The following RBPJ variants were observed in gnomAD, a reference collection of about 807,000 sequenced individuals.
The protein encoded by RBPJ is recombination signal binding protein for immunoglobulin kappa J region, also known as recombining binding protein suppressor of hairless.
A neutral mutation model predicts 67.8 loss-of-function variants in RBPJ; 9 were observed. That is an observed-to-expected ratio of 0.13 (90% CI 0.08 to 0.23). The LOEUF is 0.23. Ranked by LOEUF, RBPJ falls within the 10% of genes least tolerant of loss-of-function variation. RBPJ has a pLI of 1.00. For synonymous variants in RBPJ, 198 were observed against 203.3 expected, an observed-to-expected ratio of 0.97 and a Z score of 0.22; for missense variants, 305 against 595.6, an observed-to-expected ratio of 0.51 and a Z score of 5.08.
At chr4:26,141,395 T>G in the RBPJ span, among the ~76,000 whole-genome samples, 1 of 152,136 alleles carries the variant, frequency 6.6e-6, no homozygotes, top group Non-Finnish European at 1.5e-5. Flanking sequence ...AAGCTCTAAG[T>G]GCAGGACCCA....
In RBPJ at chr4:26,270,427, A is replaced by AAG. The variant is rs57741639; in HGVS notation, c.-166-92017_-166-92016dup. ...AAAGAAAGAAAGAAAGAAAGAAAGA[A>AAG]AGAAAGAAAGAAGAAAGAAAGAAAG... On this transcript the variant is annotated intron_variant, in intron 1 of 4. Coordinates refer to the RBPJ transcript ENST00000512351. Among the ~76,000 whole-genome samples the AAG allele has an allele frequency of 4.1e-3, 249 of 60,228 alleles. 20 individuals carry two copies. The highest frequency in any genetic ancestry group is 0.01 in the African/African-American group (235 of 22,486). The allele number at this position is 60,228 out of a possible 152,430, so 39.5% of individuals were successfully genotyped here. A position where few individuals can be genotyped will look rare whatever the true frequency, so the allele number is the denominator to read the frequency against.
At chr4:26,327,499 G>A (rs1723750535) in intron 1 of RBPJ, among the ~76,000 whole-genome samples, 1 of 145,330 alleles carries the variant, frequency 6.9e-6, no homozygotes, top group Non-Finnish European at 1.5e-5. Flanking sequence ...GCATCTATTT[G>A]ATGTGAAGCA....
chr4:26,332,315 T>C (rs149561025), intron 1 of RBPJ, among the ~76,000 whole-genome samples: 112 of 152,328 alleles, frequency 7.4e-4, no homozygotes, highest in Non-Finnish European at 5.9e-4. Flanking sequence ...CAATGTGATA[T>C]GTACACTTTG....
Position 26,430,746 on chromosome 4 carries a change from T to C in RBPJ, c.1203T>C (p.Gly401=), listed in dbSNP as rs761222460. Residue 401 remains glycine (G), a synonymous_variant, in exon 11 of 11, where the codon GGT becomes GGC. Coordinates refer to ENST00000355476, the MANE Select transcript of RBPJ (RefSeq NM_015874.6). The surrounding 1 kb of genome is among the most constrained non-coding windows in gnomAD (Gnocchi z 4.1). ...VVPDISAFRE[G]WRWVRQPVQV... is the part of the protein sequence containing the mutation. ...CAGACATTTCTGCATTCCGAGAAGG[T>C]TGGAGATGGGTCCGGCAACCAGTCC... The C allele has an allele frequency of 2.5e-6, 4 of 1,613,734 alleles. No homozygotes were observed. Among genetic ancestry groups the C allele is most frequent in the Non-Finnish European group, 3.4e-6 (4 of 1,179,968 alleles).
chr4:26,401,741 A>G (rs1306825078), intron 2 of RBPJ, among the ~76,000 whole-genome samples: 4 of 152,220 alleles, frequency 2.6e-5, no homozygotes, highest in Non-Finnish European at 4.4e-5. Flanking sequence ...TACAAATAGA[A>G]TTTAGTATCC....
chr4:26,154,923 C>A, the RBPJ span, among the ~76,000 whole-genome samples: 2 of 152,252 alleles, frequency 1.3e-5, no homozygotes, highest in Admixed American at 6.6e-5. Context: ...TGATGTAATA[C>A]CCCCCACCAG....
chr4:26,291,724 G>A (rs1215353229), intron 1 of RBPJ, among the ~76,000 whole-genome samples: 1 of 149,988 alleles, frequency 6.7e-6, no homozygotes, highest in Non-Finnish European at 1.5e-5. Context: ...TTACAGGCAT[G>A]CGCTGCCATG....
chr4:26,303,302 A>G (rs970187363), intron 1 of RBPJ, among the ~76,000 whole-genome samples: 1 of 147,478 alleles, frequency 6.8e-6, no homozygotes, highest in Non-Finnish European at 1.5e-5. Flanking sequence ...TATAATCTTT[A>G]TGAAATATAT....
chr4:26,284,464 AT>A (rs1721388007), intron 1 of RBPJ, among the ~76,000 whole-genome samples: 1 of 152,038 alleles, frequency 6.6e-6, no homozygotes, highest in African/African-American at 2.4e-5. Flanking sequence ...CTCTATTTTA[AT>A]TTTTATTTTA....
chr4:26,396,665 C>T (rs901938695), intron 2 of RBPJ, among the ~76,000 whole-genome samples: 13 of 152,104 alleles, frequency 8.5e-5, no homozygotes, highest in East Asian at 1.9e-4. Flanking sequence ...GAGTGGGAGG[C>T]GGGGAGGGGA....
At chr4:26,352,545 C>G (rs980053993) in intron 1 of RBPJ, among the ~76,000 whole-genome samples, 1 of 152,168 alleles carries the variant, frequency 6.6e-6, no homozygotes, top group African/African-American at 2.4e-5. Flanking sequence ...CACACCTGTA[C>G]TCCCAGCACT....
chr4:26,415,791 C>T, intron 4 of RBPJ, 151 bp downstream of exon 4: 1 of 725,020 alleles, frequency 1.4e-6, no homozygotes, highest in Admixed American at 3.4e-5. Context: ...ACATGCCTCT[C>T]ATAGCTTTGG....
chr4:26,147,620 T>A, the RBPJ span, among the ~76,000 whole-genome samples: 2 of 152,232 alleles, frequency 1.3e-5, no homozygotes, highest in African/African-American at 2.4e-5. Context: ...AAGAAAAACT[T>A]TTTTTTTCTG....
At chr4:26,159,033 A>G (rs1410510202), upstream of RBPJ, among the ~76,000 whole-genome samples, 1 of 150,678 alleles carries the variant, frequency 6.6e-6, no homozygotes, top group Non-Finnish European at 1.5e-5. Flanking sequence ...GTCATTCCTT[A>G]AAATGATCTA....
intron 2 of RBPJ, among the ~76,000 whole-genome samples, chr4:26,398,072 G>T (rs1039506967): frequency 2.4e-5 from 1 of 40,984 alleles, no homozygotes; most frequent in African/African-American, 4.8e-5. Context: ...GAGTGATATT[G>T]TGTGTGTGTG....
At chr4:26,156,485 C>G in the RBPJ span, among the ~76,000 whole-genome samples, 1 of 131,638 alleles carries the variant, frequency 7.6e-6, no homozygotes, top group Non-Finnish European at 1.5e-5. Flanking sequence ...GTGGTGCGAT[C>G]TCAGCTCACT....
At position 26,424,881 on chromosome 4, in the gene RBPJ, C is replaced by A; in HGVS notation, c.747+138C>A. On this transcript the variant is annotated intron_variant, in intron 7 of 10. Transcript: ENST00000355476. This position sits in a 1 kb window ranked among gnomAD's most constrained non-coding sequence, Gnocchi z 5.3. The stretch of plus-strand genomic sequence containing the variant: ...TTAAAAGGTATGTTAGTAATCAGTG[C>A]TGTTTATAATTGACAGTTATGCTCT... 1 of 584,608 alleles carries A rather than the reference C, an allele frequency of 1.7e-6. No homozygotes were observed. The highest frequency in any genetic ancestry group is 3.0e-6 in the Non-Finnish European group (1 of 330,870). The allele number at this position is 584,608 out of a possible 1,614,324, so 36.2% of individuals were successfully genotyped here.
intron 1 of RBPJ, among the ~76,000 whole-genome samples, chr4:26,295,993 A>G (rs1263355103): frequency 6.6e-6 from 1 of 152,228 alleles, no homozygotes; most frequent in Admixed American, 6.5e-5. Flanking sequence ...ATTTAGAACT[A>G]CTATAAGAGC....
chr4:26,392,538 T>C (rs1731615332), intron 2 of RBPJ, among the ~76,000 whole-genome samples: 1 of 152,214 alleles, frequency 6.6e-6, no homozygotes, highest in African/African-American at 2.4e-5. Context: ...AATAATTATA[T>C]TCAATTTTCT....
Sources: gnomAD v4.1 joint callset for allele counts (sites outside exome capture counted in the v4.1 genomes callset) on GRCh38, gnomAD v4.1.1 for gene constraint, Gnocchi (gnomAD v3.1) non-coding constraint, MANE v1.5 for transcripts, NCBI Gene and HGNC (gene_info 2026-07-23, HGNC 2026-07-21) for gene names.